The following SOD2 variants were observed in gnomAD, a reference collection of about 807,000 sequenced individuals.
The protein encoded by SOD2 is superoxide dismutase 2, also known as superoxide dismutase [Mn], mitochondrial.
SOD2 carries 11 observed loss-of-function variants against 27.0 expected under a neutral mutation model. The ratio of observed to expected loss-of-function variants is 0.41; its 90% CI spans 0.26 to 0.67. The LOEUF (loss-of-function observed/expected upper bound fraction) is 0.67, where lower values mean the gene tolerates loss of function less well. SOD2 is among the 30% of genes least tolerant of loss of function. SOD2 has a pLI of 0.34. For synonymous variants in SOD2, 105 were observed against 103.0 expected, an observed-to-expected ratio of 1.02 and a Z score of -0.12; for missense variants, 250 against 274.5, an observed-to-expected ratio of 0.91 and a Z score of 0.63.
intron 1 of SOD2, among the ~76,000 whole-genome samples, chr6:159,738,136 C>T (rs890490037): frequency 3.3e-5 from 5 of 152,322 alleles, no homozygotes; most frequent in Middle Eastern, 3.4e-3. Flanking sequence ...GCTATATGCA[C>T]TATTATCATG....
In SOD2 at chr6:159,743,677, C is replaced by G; in HGVS notation, c.-116+1453G>C. 4 of 1,596,744 alleles carry G rather than the reference C, an allele frequency of 2.5e-6. No homozygotes were observed. The highest frequency in any genetic ancestry group is 1.8e-5 in the Admixed American group (1 of 56,970). On this transcript the variant is annotated intron_variant, in intron 1 of 3. Transcript: ENST00000537657. ...TTTGAATCATCAGCTAATGATGTAA[C>G]TGGCCTAAGAGAGTCTGAAGAAAAA...
chr6:159,700,032 G>C (rs917716999), intron 1 of SOD2, among the ~76,000 whole-genome samples: 11 of 152,120 alleles, frequency 7.2e-5, no homozygotes, highest in Admixed American at 2.0e-4. Flanking sequence ...TTTACCCTCT[G>C]GTGAGAAATT....
At chr6:159,719,003 A>G (rs1777975889) in intron 1 of SOD2, among the ~76,000 whole-genome samples, 1 of 151,882 alleles carries the variant, frequency 6.6e-6, no homozygotes, top group South Asian at 2.1e-4. Flanking sequence ...GGGTGCCAAT[A>G]ACAAAAGCTA....
At chr6:159,756,727 G>A (rs540549560) in intron 1 of SOD2, among the ~76,000 whole-genome samples, 52 of 150,626 alleles carry the variant, frequency 3.5e-4, no homozygotes, top group Non-Finnish European at 6.0e-4. Context: ...TCAGGCTTCC[G>A]AGTACCTGAG....
intron 1 of SOD2, chr6:159,742,155 G>C: frequency 6.3e-7 from 1 of 1,597,800 alleles, no homozygotes; most frequent in South Asian, 1.1e-5. Context: ...CTGTAAGTTT[G>C]AGTTTTAGCT....
At chr6:159,687,330 T>C (rs1195675274) in intron 3 of SOD2, among the ~76,000 whole-genome samples, 2 of 151,794 alleles carry the variant, frequency 1.3e-5, no homozygotes, top group East Asian at 3.9e-4. Context: ...ACCAAAAATA[T>C]AAAAATTAGC....
chr6:159,682,439 C>T lies in SOD2; in HGVS notation c.*54G>A. 6.4e-7 allele frequency: 1 copy of T among 1,552,912 alleles called. No homozygotes were observed. The highest frequency in any genetic ancestry group is 8.8e-7 in the Non-Finnish European group (1 of 1,139,848). The stretch of plus-strand genomic sequence containing the variant: ...TTACTGTATTCTGCAGTACTCTATA[C>T]CACTACAAAAACAGTCATAAAGAGC... On this transcript the variant is annotated 3_prime_UTR_variant, in exon 5 of 5. Transcript: ENST00000538183.
intron 1 of SOD2, among the ~76,000 whole-genome samples, chr6:159,706,984 T>A (rs536202103): frequency 1.3e-5 from 2 of 152,034 alleles, no homozygotes; most frequent in Non-Finnish European, 1.5e-5. Flanking sequence ...CCACTCAACT[T>A]CATGGAAACT....
rs1779765118 is a variant in SOD2 at position 159,675,689 on chromosome 6, C to G, written c.*6804G>C. On this transcript the variant is annotated 3_prime_UTR_variant, in exon 5 of 5. Transcript: ENST00000538183. Reference sequence around the variant, plus strand: ...GTACCATTCAGGACACAGGCATGGGCAAGGACTTCATGTCTAAAACACCAA... The same window carrying G: ...GTACCATTCAGGACACAGGCATGGGGAAGGACTTCATGTCTAAAACACCAA... The G allele has an allele frequency of 6.6e-6, 1 of 152,158 alleles. No individual in the cohort carries two copies. The highest frequency in any genetic ancestry group is 2.1e-4 in the South Asian group (1 of 4,824). 9.4% of individuals were successfully genotyped at this position (152,158 alleles called of 1,614,324 possible). A position where few individuals can be genotyped will look rare whatever the true frequency, so the allele number is the denominator to read the frequency against.
At chr6:159,727,422 G>T, upstream of SOD2, 1 of 1,170,520 alleles carries the variant, frequency 8.5e-7, no homozygotes, top group Non-Finnish European at 1.1e-6. Context: ...GCTGGCCTGC[G>T]GCGCGTTCGG....
intron 1 of SOD2, among the ~76,000 whole-genome samples, chr6:159,759,063 C>CTT (rs530379827): frequency 9.2e-4 from 131 of 142,846 alleles, no homozygotes; most frequent in African/African-American, 3.0e-3. Flanking sequence ...TATTTTATTT[C>CTT]TTTTTTTTTT....
At chr6:159,683,348 G>A (rs1452998852) in intron 4 of SOD2, among the ~76,000 whole-genome samples, 2 of 152,100 alleles carry the variant, frequency 1.3e-5, no homozygotes, top group Non-Finnish European at 2.9e-5. Context: ...AGCCTGGCGA[G>A]GTGGCAGGCG....
chr6:159,707,250 G>A (rs139770216), intron 1 of SOD2, among the ~76,000 whole-genome samples: 1,831 of 152,050 alleles, frequency 0.012, 42 homozygotes, highest in African/African-American at 0.034. Flanking sequence ...CTAGCAGAAG[G>A]CAAGAAATAA....
At chr6:159,687,555 G>A (rs1394671017) in intron 3 of SOD2, among the ~76,000 whole-genome samples, 2 of 152,176 alleles carry the variant, frequency 1.3e-5, no homozygotes, top group Non-Finnish European at 2.9e-5. Context: ...AAACCAGAAG[G>A]TGGAGTTGAT....
intron 1 of SOD2, chr6:159,726,919 C>T (rs1343380122): frequency 7.8e-7 from 1 of 1,288,770 alleles, no homozygotes; most frequent in African/African-American, 1.5e-5. Flanking sequence ...GAGGTGGCAC[C>T]TGGTCCTCCG....
chr6:159,760,909 G>A (rs1003469755), intron 1 of SOD2: 2 of 152,274 alleles, frequency 1.3e-5, no homozygotes, highest in Non-Finnish European at 2.9e-5. Context: ...GTGTGCTGCT[G>A]AGTTCTTAGC....
At chr6:159,684,771 C>T in intron 4 of SOD2, 83 bp downstream of exon 4, 2 of 1,098,588 alleles carry the variant, frequency 1.8e-6, no homozygotes, top group Non-Finnish European at 2.6e-6. Flanking sequence ...GTTCTTAAAA[C>T]ACTGTTAGTT....
At position 159,670,109 on chromosome 6, in the gene SOD2, G is replaced by C. The variant is rs960453228; in HGVS notation, c.*12384C>G. ...TGTAGACTCCAACTCATGACCTCAA[G>C]GGATCCTCCCAACTCAGCCTCTCAA... On this transcript the variant is annotated 3_prime_UTR_variant, in exon 5 of 5. Coordinates refer to ENST00000538183, the MANE Select transcript of SOD2 (RefSeq NM_000636.4). 6.6e-6 allele frequency: 1 copy of C among 152,218 alleles called. No individual in the cohort carries two copies. The highest frequency in any genetic ancestry group is 1.5e-5 in the Non-Finnish European group (1 of 68,086). The allele number at this position is 152,218 out of a possible 1,614,324, so 9.4% of individuals were successfully genotyped here.
rs144298012 is a variant in SOD2 at position 159,704,347 on chromosome 6, G to A, written c.-115-11484C>T. Among the ~76,000 whole-genome samples, 14 of 152,352 alleles carry A rather than the reference G, an allele frequency of 9.2e-5. No individual in the cohort carries two copies. In the East Asian group the frequency reaches 9.6e-4, roughly 10 times the overall value. The stretch of plus-strand genomic sequence containing the variant: ...CCAGGCATCGCCTCACCTGGGAAGC[G>A]CAAGGGATCAGGGAATTCACTTTCA... On this transcript the variant is annotated intron_variant, in intron 1 of 2. Transcript: ENST00000401980.
Sources: allele counts gnomAD v4.1 joint callset (sites outside exome capture counted in the v4.1 genomes callset), GRCh38; gene constraint gnomAD v4.1.1; transcripts MANE v1.5; gene names NCBI Gene and HGNC (gene_info 2026-07-23, HGNC 2026-07-21).